NBPF9: variants seen among roughly 807,000 people sequenced by gnomAD.
NBPF9 encodes the protein NBPF family member NBPF9.
A neutral mutation model predicts 97.8 loss-of-function variants in NBPF9; 91 were observed. The ratio of observed to expected loss-of-function variants is 0.93; its 90% confidence interval spans 0.79 to 1.11. The LOEUF is 1.11. Ranked by LOEUF, NBPF9 falls within the 50% of genes least tolerant of loss-of-function variation. NBPF9 has a pLI of 0.00. For missense variants in NBPF9, 992 were observed against 939.5 expected, an observed-to-expected ratio of 1.06 and a Z score of -0.73; for synonymous variants, 334 against 359.5, an observed-to-expected ratio of 0.93 and a Z score of 0.80.
intron 12 of NBPF9, among the ~76,000 whole-genome samples, 162 bp downstream of exon 12, chr1:149,075,493 C>T (rs1464355500): frequency 9.2e-5 from 14 of 151,986 alleles, no homozygotes; most frequent in Non-Finnish European, 1.0e-4. Flanking sequence ...TACTTTGGTA[C>T]CTCTGTCTTC....
exon 30 of NBPF9, chr1:149,055,729 T>C (rs1274576025): frequency 3.7e-6 from 6 of 1,611,722 alleles, no homozygotes; most frequent in Non-Finnish European, 5.1e-6. Flanking sequence ...AAACCTATTG[T>C]CCACGTAAAG....
chr1:149,099,544 A>T (rs2082007511), intron 3 of NBPF9, among the ~76,000 whole-genome samples: 1 of 152,190 alleles, frequency 6.6e-6, no homozygotes, highest in Non-Finnish European at 1.5e-5. Flanking sequence ...TAAGAGACAA[A>T]ATCTCAAATT....
intron 27 of NBPF9, among the ~76,000 whole-genome samples, chr1:149,057,721 A>ACACT (rs2078303227): frequency 3.5e-5 from 3 of 86,462 alleles, no homozygotes; most frequent in Non-Finnish European, 5.2e-5. Flanking sequence ...ACACACACAC[A>ACACT]CACACACACA....
chr1:149,063,885 A>C (rs878961100), intron 19 of NBPF9, 80 bp from the exon 20 acceptor site: 1 of 681,282 alleles, frequency 1.5e-6, no homozygotes, highest in East Asian at 2.7e-5. Flanking sequence ...CATGGCTAAC[A>C]TAAGGAAGAG....
At chr1:149,052,273 G>C (rs2077957299), downstream of NBPF9, among the ~76,000 whole-genome samples, 1 of 152,062 alleles carries the variant, frequency 6.6e-6, no homozygotes, top group Non-Finnish European at 1.5e-5. Flanking sequence ...AAAAGTTTTT[G>C]CTCAACAGTA....
intron 2 of NBPF9, among the ~76,000 whole-genome samples, chr1:149,101,839 C>T (rs1553245258): frequency 6.6e-6 from 1 of 151,610 alleles, no homozygotes. Context: ...ACCAACAATG[C>T]CACTCCTACA....
rs587640354 is a variant in NBPF9 at position 149,074,201 on chromosome 1, T to G, written c.989-331A>C. Among the ~76,000 whole-genome samples the G allele has an allele frequency of 5.1e-4, 77 of 151,570 alleles. 3 individuals carry two copies. In the South Asian group the frequency reaches 0.015, roughly 29 times the overall value. On this transcript the variant is annotated intron_variant, in intron 12 of 29. Transcript: ENST00000584027. Reference sequence around the variant, plus strand: ...TTCCCAAGCTTTGCAGCCTCTCCTCTAAAACACTGCACTGGGGCATGAAGT... The same window carrying G: ...TTCCCAAGCTTTGCAGCCTCTCCTCGAAAACACTGCACTGGGGCATGAAGT...
At chr1:149,082,300 C>T in exon 6 of NBPF9, 2 of 1,554,844 alleles carry the variant, frequency 1.3e-6, no homozygotes, top group Non-Finnish European at 1.7e-6. Context: ...GTGATCACTC[C>T]CACAGCACTT....
intron 11 of NBPF9, among the ~76,000 whole-genome samples, chr1:149,076,293 G>T (rs1481917161): frequency 6.6e-6 from 1 of 151,182 alleles, no homozygotes; most frequent in South Asian, 2.1e-4. Flanking sequence ...TGCCGCCCGG[G>T]TTCAAGTGAT....
chr1:149,071,859 C>G (rs1441852507), intron 14 of NBPF9, among the ~76,000 whole-genome samples, 183 bp from the exon 15 acceptor site: 1 of 151,120 alleles, frequency 6.6e-6, no homozygotes, highest in Non-Finnish European at 1.5e-5. Context: ...CAATGCATTT[C>G]TGATCTGGAG....
chr1:149,079,319 A>T, intron 8 of NBPF9, 98 bp from the exon 9 acceptor site: 1 of 1,274,732 alleles, frequency 7.8e-7, no homozygotes, highest in Non-Finnish European at 1.1e-6. Flanking sequence ...CCTCAAGGAG[A>T]CCTTGAAACA....
At chr1:149,099,702 T>G (rs1422987484) in intron 3 of NBPF9, among the ~76,000 whole-genome samples, 2 of 152,156 alleles carry the variant, frequency 1.3e-5, no homozygotes, top group African/African-American at 4.8e-5. Flanking sequence ...AAAACTAAAA[T>G]GGCCAGCGGT....
chr1:149,089,200 C>A (rs1302890846), intron 5 of NBPF9, among the ~76,000 whole-genome samples: 1 of 152,166 alleles, frequency 6.6e-6, no homozygotes, highest in Non-Finnish European at 1.5e-5. Context: ...TGCCACAGGA[C>A]CTTTACACGC....
chr1:149,068,357 T>C (rs1253271875), intron 17 of NBPF9, among the ~76,000 whole-genome samples: 1 of 151,090 alleles, frequency 6.6e-6, no homozygotes, highest in Non-Finnish European at 1.5e-5. Context: ...TCAAGACCCA[T>C]CAGTGTGCTG....
At chr1:149,071,025 G>T (rs587748947) in exon 16 of NBPF9, 2 of 1,611,834 alleles carry the variant, frequency 1.2e-6, no homozygotes, top group Non-Finnish European at 1.7e-6. Context: ...ATGTGATTTT[G>T]GTTTTCCTAT....
chr1:149,076,240 C>G (rs1332252379), intron 11 of NBPF9, among the ~76,000 whole-genome samples: 4 of 151,386 alleles, frequency 2.6e-5, no homozygotes, highest in Non-Finnish European at 5.9e-5. Context: ...CTCTGTCACG[C>G]AGGCTGAAGT....
At chr1:149,069,188 C>T (rs1277092964) in intron 17 of NBPF9, among the ~76,000 whole-genome samples, 2 of 150,206 alleles carry the variant, frequency 1.3e-5, no homozygotes, top group African/African-American at 4.9e-5. Flanking sequence ...CTAAAATTGA[C>T]ACCCTAACAT....
At position 149,071,074 on chromosome 1, in the gene NBPF9, T is replaced by C. The variant is rs781864366; in HGVS notation, c.1445A>G (p.Tyr482Cys). Residue 482 changes from tyrosine to cysteine, a missense_variant, in exon 16 of 30, where the codon TAT becomes TGT. Coordinates refer to ENST00000584027, the Ensembl canonical transcript of NBPF9. ...GTCATAAGGGCCATGGCTATTTGAA[T>C]AAGTGATGGCACATTCCTCCAGTGA... is the stretch of plus-strand genomic sequence containing the variant. 7 of 1,610,640 alleles carry C rather than the reference T, an allele frequency of 4.3e-6. No homozygotes were observed. In the East Asian group the frequency reaches 6.7e-5, roughly 15 times the overall value.
Position 149,073,814 on chromosome 1 carries a change from T to C in NBPF9, c.1045A>G (p.Lys349Glu). The C allele has an allele frequency of 3.9e-6, 6 of 1,538,706 alleles. 1 individual carries two copies. The highest frequency in any genetic ancestry group is 5.4e-6 in the Non-Finnish European group (6 of 1,121,208). ...AGCTGCTCTGCAAGCTTCTCCTCCT[T>C]GAACTGTCGCTCATTCCTCAGCATA... Residue 349 changes from lysine (K) to glutamate (E), a missense_variant, in exon 13 of 30, where the codon AAG (lysine) becomes GAG (glutamate). Physicochemically the swap from Lys to Glu is moderately conservative, Grantham distance 56 (BLOSUM62 1). Around this residue, in one of 11 missense-constraint regions of NBPF9, gnomAD observed 187 missense variants for 149.6 expected, o/e 1.25. Coordinates refer to ENST00000584027, the Ensembl canonical transcript of NBPF9.
Sources: allele counts gnomAD v4.1 joint callset (sites outside exome capture counted in the v4.1 genomes callset), GRCh38; gene constraint gnomAD v4.1.1; regional missense constraint gnomAD v4.1.1; transcripts MANE v1.5; gene names NCBI Gene and HGNC (gene_info 2026-07-23, HGNC 2026-07-21).